GOLGA5: variants seen among roughly 807,000 people sequenced by gnomAD.
GOLGA5 encodes the protein golgin subfamily A member 5.
Under a neutral mutation model 93.5 loss-of-function variants are expected in GOLGA5, and 50 were observed. The ratio of observed to expected loss-of-function variants is 0.53; its 90% CI spans 0.43 to 0.68. The LOEUF (loss-of-function observed/expected upper bound fraction) is 0.68, where lower values mean the gene tolerates loss of function less well. GOLGA5 is among the 30% of genes least tolerant of loss of function. The pLI is 0.00. For synonymous variants in GOLGA5, 312 were observed against 304.5 expected, an observed-to-expected ratio of 1.02 and a Z score of -0.26; for missense variants, 760 against 856.4, an observed-to-expected ratio of 0.89 and a Z score of 1.40.
At chr14:92,805,592 A>G (rs1884967633) in intron 2 of GOLGA5, among the ~76,000 whole-genome samples, 1 of 152,176 alleles carries the variant, frequency 6.6e-6, no homozygotes, top group Non-Finnish European at 1.5e-5. Flanking sequence ...TGATTGTACC[A>G]TTTTATAGTC....
intron 10 of GOLGA5, 64 bp downstream of exon 10, chr14:92,833,411 G>A (rs2140336132): frequency 2.6e-6 from 3 of 1,176,384 alleles, no homozygotes; most frequent in Non-Finnish European, 3.8e-6. Flanking sequence ...AGTTATAGAA[G>A]GACTATTTTT....
chr14:92,836,051 A>G, intron 11 of GOLGA5, among the ~76,000 whole-genome samples: 1 of 152,182 alleles, frequency 6.6e-6, no homozygotes, highest in East Asian at 1.9e-4. Flanking sequence ...CCAGAATTTT[A>G]TCATGCTATT....
chr14:92,805,414 C>T (rs914267543), intron 2 of GOLGA5, among the ~76,000 whole-genome samples: 1 of 152,018 alleles, frequency 6.6e-6, no homozygotes, highest in Non-Finnish European at 1.5e-5. Context: ...GGGTTTGTTT[C>T]CAGTTTTGGA....
At chr14:92,810,955 C>G (rs1184262720) in intron 5 of GOLGA5, among the ~76,000 whole-genome samples, 2 of 152,192 alleles carry the variant, frequency 1.3e-5, no homozygotes, top group Middle Eastern at 3.2e-3. Flanking sequence ...GTCAGGGTTG[C>G]AAACCACTGG....
intron 2 of GOLGA5, among the ~76,000 whole-genome samples, chr14:92,802,509 G>A (rs1368871039): frequency 4.0e-5 from 6 of 151,870 alleles, no homozygotes; most frequent in African/African-American, 7.3e-5. Context: ...AGGACTCAAC[G>A]ACCAGTTTTG....
rs529953451 is a variant in GOLGA5 at position 92,835,203 on chromosome 14, A to G, written c.1946-356A>G. Among the ~76,000 whole-genome samples, 3 of 152,272 alleles carry G rather than the reference A, an allele frequency of 2.0e-5. No homozygotes were observed. The South Asian group carries it at 6.2e-4, about 32-fold the overall frequency. ...GGGGATGAAGCCTCTGGGCTGGAGT[A>G]CACATTTGGGAGTCCTCTGCTTCAT... On this transcript the variant is annotated intron_variant, in intron 10 of 12. Transcript: ENST00000163416.
chr14:92,819,049 C>A (rs1885262407), intron 7 of GOLGA5, among the ~76,000 whole-genome samples: 1 of 152,162 alleles, frequency 6.6e-6, no homozygotes, highest in South Asian at 2.1e-4. Flanking sequence ...CAGATGCACA[C>A]CAAAACTAAT....
chr14:92,827,052 G>A (rs996827661), intron 9 of GOLGA5, among the ~76,000 whole-genome samples: 10 of 151,992 alleles, frequency 6.6e-5, no homozygotes, highest in African/African-American at 2.2e-4. Context: ...TTCTCTCTCT[G>A]TATATATATA....
chr14:92,805,621 C>G (rs1038207603), intron 2 of GOLGA5, among the ~76,000 whole-genome samples: 1 of 152,146 alleles, frequency 6.6e-6, no homozygotes, highest in African/African-American at 2.4e-5. Flanking sequence ...AGTGAGAGGT[C>G]TAGTTGCTCT....
At chr14:92,814,285 T>C (rs1265265617) in intron 6 of GOLGA5, among the ~76,000 whole-genome samples, 6 of 152,014 alleles carry the variant, frequency 3.9e-5, no homozygotes. Flanking sequence ...AGGTGAGTGG[T>C]CAGAGATTGG....
At chr14:92,813,088 C>CT (rs1375198396) in intron 6 of GOLGA5, among the ~76,000 whole-genome samples, 1 of 152,060 alleles carries the variant, frequency 6.6e-6, no homozygotes, top group Non-Finnish European at 1.5e-5. Context: ...TTGACTTTAC[C>CT]TTTTTTCTTT....
Position 92,806,770 on chromosome 14 carries a change from T to G in GOLGA5, c.579T>G (p.Gly193=), listed in dbSNP as rs1312076435. 6.2e-7 allele frequency: 1 copy of G among 1,613,698 alleles called. No individual in the cohort carries two copies. The highest frequency in any genetic ancestry group is 2.2e-5 in the East Asian group (1 of 44,898). The part of the protein sequence containing the change: ...AASNSDSSHE[G]QEESSKENVS... ...GTAACTCAGATTCTAGCCATGAAGG[T>G]CAAGAGGAATCTTCAAAGGAAAATG... is the stretch of plus-strand genomic sequence containing the variant. Residue 193 remains glycine (G), a synonymous_variant, in exon 3 of 13, where the codon GGT becomes GGG. Coordinates refer to ENST00000163416, the MANE Select transcript of GOLGA5 (RefSeq NM_005113.4).
chr14:92,800,338 A>G (rs1884841444), intron 2 of GOLGA5, among the ~76,000 whole-genome samples: 1 of 152,238 alleles, frequency 6.6e-6, no homozygotes, highest in Admixed American at 6.5e-5. Flanking sequence ...CTGGGTCTTA[A>G]AGAATGAACA....
chr14:92,837,507 T>C (rs1322846921), intron 12 of GOLGA5, 58 bp downstream of exon 12: 3 of 770,960 alleles, frequency 3.9e-6, no homozygotes, highest in Non-Finnish European at 7.0e-6. Context: ...AGTTTTTTTT[T>C]TTGTTTGTTT....
intron 2 of GOLGA5, among the ~76,000 whole-genome samples, chr14:92,802,959 A>G (rs1884906294): frequency 6.6e-6 from 1 of 151,960 alleles, no homozygotes; most frequent in South Asian, 2.1e-4. Context: ...TAAATATAAA[A>G]CCAAACTTAA....
intron 9 of GOLGA5, among the ~76,000 whole-genome samples, chr14:92,830,711 C>G (rs1190155664): frequency 1.3e-5 from 2 of 152,094 alleles, no homozygotes; most frequent in Non-Finnish European, 2.9e-5. Context: ...GTGGTCCTCC[C>G]ACCTCAGCCC....
At chr14:92,839,342 A>G in intron 12 of GOLGA5, 24 bp from the exon 13 acceptor site, 1 of 1,570,226 alleles carries the variant, frequency 6.4e-7, no homozygotes, top group Non-Finnish European at 8.8e-7. Context: ...TGGCTAATCC[A>G]CAAATTGCTT....
chr14:92,807,473 CAT>C (rs1885013619), intron 3 of GOLGA5, among the ~76,000 whole-genome samples: 1 of 152,162 alleles, frequency 6.6e-6, no homozygotes, highest in Admixed American at 6.5e-5. Flanking sequence ...CAACCCAAAA[CAT>C]AAGAGTATTC....
rs371988835 is a variant in GOLGA5 at position 92,816,259 on chromosome 14, A to G, written c.1329A>G (p.Glu443=). 8 of 1,610,262 alleles carry G rather than the reference A, an allele frequency of 5.0e-6. No homozygotes were observed. In the African/African-American group the frequency reaches 1.1e-4, roughly 22 times the overall value. The part of the protein sequence containing the change: ...QKATRILQSK[E]KLINSLKEGS... Reference sequence around the variant, plus strand: ...TTCTTCTTTTATAATAGTCTAAGGAAAAATTGATTAACAGCTTGAAAGAAG... The same window carrying G: ...TTCTTCTTTTATAATAGTCTAAGGAGAAATTGATTAACAGCTTGAAAGAAG... The change falls in exon 7 of 13, where the codon GAA becomes GAG. Residue 443 remains glutamate, a synonymous_variant. Coordinates refer to ENST00000163416, the MANE Select transcript of GOLGA5 (RefSeq NM_005113.4).
Sources: allele counts gnomAD v4.1 joint callset (sites outside exome capture counted in the v4.1 genomes callset), GRCh38; gene constraint gnomAD v4.1.1; transcripts MANE v1.5; gene names NCBI Gene and HGNC (gene_info 2026-07-23, HGNC 2026-07-21).